LRRC37A: variants seen among roughly 807,000 people sequenced by gnomAD.
LRRC37A encodes the protein leucine rich repeat containing 37A, also known as leucine-rich repeat-containing protein 37A.
A neutral mutation model predicts 35.4 loss-of-function variants in LRRC37A; 3 were observed. That is an observed-to-expected ratio of 0.08 (90% CI 0.04 to 0.22). The LOEUF (loss-of-function observed/expected upper bound fraction) is 0.22, where lower values mean the gene tolerates loss of function less well. Among genes scored for constraint, LRRC37A ranks in the 10% least tolerant of loss-of-function variants. The pLI, the probability that LRRC37A is intolerant of heterozygous loss-of-function variation, is 1.00. For missense variants in LRRC37A, 67 were observed against 565.3 expected (o/e 0.12, Z 8.94); for synonymous variants, 23 against 215.0 (o/e 0.11, Z 7.81).
At chr17:46,285,424 T>G in the LRRC37A span, among the ~76,000 whole-genome samples, 930 of 152,146 alleles carry the variant, frequency 6.1e-3, 10 homozygotes, top group African/African-American at 0.018. Context: ...GTATTTTTAG[T>G]AGAGACGGGG....
chr17:46,273,399 A>G, the LRRC37A span, among the ~76,000 whole-genome samples: 1 of 152,268 alleles, frequency 6.6e-6, no homozygotes, highest in African/African-American at 2.4e-5. Context: ...ATCTTCATGT[A>G]CAAAAAGGAA....
the LRRC37A span, among the ~76,000 whole-genome samples, chr17:46,249,701 C>T: frequency 3.9e-5 from 6 of 152,278 alleles, no homozygotes; most frequent in Admixed American, 2.6e-4. Flanking sequence ...GCTGTAGGAC[C>T]AGGTTTGGGA....
the LRRC37A span, among the ~76,000 whole-genome samples, chr17:46,258,789 A>G: frequency 1.5e-5 from 2 of 134,788 alleles, no homozygotes; most frequent in African/African-American, 5.9e-5. Flanking sequence ...ATCTTGGCTC[A>G]CTGCAAGCTC....
the LRRC37A span, among the ~76,000 whole-genome samples, chr17:46,257,058 T>C: frequency 6.6e-6 from 1 of 152,254 alleles, no homozygotes; most frequent in African/African-American, 2.4e-5. Flanking sequence ...ATTAGCTGTA[T>C]AACCTTGGCC....
the LRRC37A span, among the ~76,000 whole-genome samples, chr17:46,252,824 T>C: frequency 6.6e-6 from 1 of 152,126 alleles, no homozygotes; most frequent in Non-Finnish European, 1.5e-5. Flanking sequence ...TTCCCCACCT[T>C]TCCCCCCTTT....
chr17:46,315,485 C>A (rs1409559505), intron 5 of LRRC37A, among the ~76,000 whole-genome samples: 1 of 117,282 alleles, frequency 8.5e-6, no homozygotes, highest in African/African-American at 3.2e-5. Context: ...CATGATTGTT[C>A]CACTGCACTC....
the LRRC37A span, chr17:46,260,311 G>C: frequency 2.0e-6 from 3 of 1,464,996 alleles, no homozygotes; most frequent in Non-Finnish European, 2.7e-6. Context: ...GAGCTGCAGC[G>C]GGCATATGCG....
chr17:46,268,179 G>T, the LRRC37A span, among the ~76,000 whole-genome samples: 5 of 152,070 alleles, frequency 3.3e-5, no homozygotes, highest in African/African-American at 7.3e-5. Flanking sequence ...CCCACACCCC[G>T]TGCTACTTTT....
At chr17:46,284,794 C>G in the LRRC37A span, among the ~76,000 whole-genome samples, 1 of 152,300 alleles carries the variant, frequency 6.6e-6, no homozygotes, top group East Asian at 1.9e-4. Context: ...ACTACGATTC[C>G]CTTTTTAGTT....
At chr17:46,277,381 C>A in the LRRC37A span, among the ~76,000 whole-genome samples, 1 of 152,194 alleles carries the variant, frequency 6.6e-6, no homozygotes, top group Non-Finnish European at 1.5e-5. Context: ...GCTCTGCCAG[C>A]AAGTTGGCAG....
chr17:46,291,648 C>T (rs1567858375), upstream of LRRC37A, among the ~76,000 whole-genome samples: 2 of 152,024 alleles, frequency 1.3e-5, no homozygotes, highest in African/African-American at 2.4e-5. Flanking sequence ...AGGGCCCATA[C>T]GGTGGCTCAT....
At chr17:46,248,208 GTTTGT>G in the LRRC37A span, among the ~76,000 whole-genome samples, 24 of 151,644 alleles carry the variant, frequency 1.6e-4, no homozygotes, top group Non-Finnish European at 2.8e-4. Context: ...GCGTTTTTAG[GTTTGT>G]TTTATTATTT....
the LRRC37A span, among the ~76,000 whole-genome samples, chr17:46,279,179 T>C: frequency 1.8e-4 from 28 of 151,952 alleles, 1 homozygote; most frequent in South Asian, 6.2e-4. Context: ...GGCATTCTTT[T>C]TTTTCTTTTT....
the LRRC37A span, among the ~76,000 whole-genome samples, chr17:46,252,352 G>C: frequency 4.2e-5 from 6 of 141,646 alleles, no homozygotes; most frequent in African/African-American, 1.5e-4. Context: ...ATACAGGCGC[G>C]TGCCACCATG....
chr17:46,265,756 G>A, the LRRC37A span, among the ~76,000 whole-genome samples: 1 of 152,212 alleles, frequency 6.6e-6, no homozygotes, highest in Non-Finnish European at 1.5e-5. Flanking sequence ...GGGATTACAA[G>A]CACGAGCCAC....
the LRRC37A span, among the ~76,000 whole-genome samples, chr17:46,251,475 C>A: frequency 2.6e-5 from 4 of 152,052 alleles, no homozygotes; most frequent in African/African-American, 9.7e-5. Context: ...TCAGGCTGGT[C>A]TCAAACTCCC....
At chr17:46,267,327 G>T in the LRRC37A span, 1 of 1,465,306 alleles carries the variant, frequency 6.8e-7, no homozygotes, top group Admixed American at 2.4e-5. Context: ...AAGCAGCGAT[G>T]AACGGGATAG....
chr17:46,264,877 T>C, the LRRC37A span, among the ~76,000 whole-genome samples: 1 of 152,212 alleles, frequency 6.6e-6, no homozygotes, highest in African/African-American at 2.4e-5. Context: ...CCCAGCAGGA[T>C]GTGGGTGATT....
At chr17:46,250,370 CAAAATATTGATCTTG>C in the LRRC37A span, among the ~76,000 whole-genome samples, 1 of 152,200 alleles carries the variant, frequency 6.6e-6, no homozygotes, top group Non-Finnish European at 1.5e-5. Context: ...TTGAAGGATA[CAAAATATTGATCTTG>C]GGTGTGTCCG....
Sources: gnomAD v4.1 joint callset for allele counts (sites outside exome capture counted in the v4.1 genomes callset) on GRCh38, gnomAD v4.1.1 for gene constraint, MANE v1.5 for transcripts, NCBI Gene and HGNC (gene_info 2026-07-23, HGNC 2026-07-21) for gene names.